The following CACNA1S variants were observed in gnomAD, a reference collection of about 807,000 sequenced individuals.
The protein encoded by CACNA1S is voltage-dependent L-type calcium channel subunit alpha-1S.
CACNA1S carries 126 observed loss-of-function variants against 207.4 expected under a neutral mutation model. The observed-to-expected ratio is 0.61, with a 90% CI of 0.53 to 0.70. The LOEUF is 0.70. Ranked by LOEUF, CACNA1S falls within the 30% of genes least tolerant of loss-of-function variation. CACNA1S has a pLI of 0.00. For synonymous variants in CACNA1S, 960 were observed against 932.7 expected (o/e 1.03, Z -0.53); for missense variants, 2,349 against 2,422.8 (o/e 0.97, Z 0.64).
At chr1:201,062,669 C>T (rs1295333454) in intron 22 of CACNA1S, among the ~76,000 whole-genome samples, 155 bp from the exon 23 acceptor site, 2 of 152,246 alleles carry the variant, frequency 1.3e-5, no homozygotes, top group Admixed American at 6.5e-5. Flanking sequence ...GAGGCGTGAA[C>T]TCGCCCTTGG....
chr1:201,085,055 A>C (rs1661981882), intron 8 of CACNA1S, 24 bp from the exon 9 acceptor site: 1 of 1,591,554 alleles, frequency 6.3e-7, no homozygotes, highest in East Asian at 2.2e-5. Context: ...AGAAAGAGTC[A>C]GCCAGCCTTC....
At chr1:201,103,989 G>GGCCCT (rs71872289) in intron 2 of CACNA1S, among the ~76,000 whole-genome samples, 7 of 151,996 alleles carry the variant, frequency 4.6e-5, no homozygotes, top group South Asian at 2.1e-4. Flanking sequence ...GAGCTTGCCA[G>GGCCCT]GCCCTGCCCT....
At chr1:201,064,926 C>T (rs144499533) in intron 22 of CACNA1S, among the ~76,000 whole-genome samples, 50 of 152,338 alleles carry the variant, frequency 3.3e-4, no homozygotes, top group Admixed American at 7.2e-4. Flanking sequence ...GATGGGCTGC[C>T]GCAGCCCAGC....
rs1477834243 is a variant in CACNA1S, at chr1:201,091,725, G to C, written c.609C>G (p.Val203=). The C allele has an allele frequency of 5.0e-6, 8 of 1,613,966 alleles. No homozygotes were observed. Among genetic ancestry groups the C allele is most frequent in the Non-Finnish European group, 6.8e-6 (8 of 1,179,924 alleles). ...TGGCATAGATGATGACCATAAAGAG[G>C]ACCAGCAGGGCGATGTGAAAGAGGG... ...MLPLFHIALL[V]LFMVIIYAII... is the part of the protein sequence containing the mutation. The change falls in exon 5 of 44, where the codon GTC becomes GTG. Residue 203 remains valine (V), a synonymous_variant. Transcript: ENST00000362061.
At chr1:201,041,429 C>CTA in intron 41 of CACNA1S, 75 bp downstream of exon 41, 1 of 1,174,218 alleles carries the variant, frequency 8.5e-7, no homozygotes, top group East Asian at 2.5e-5. Flanking sequence ...TTCCCAGACT[C>CTA]TAAGAAAAGA....
chr1:201,070,494 G>T, intron 16 of CACNA1S, 90 bp from the exon 17 acceptor site: 1 of 1,573,618 alleles, frequency 6.4e-7, no homozygotes. Context: ...AGGAGCCCCT[G>T]CAGCCAGTAA....
chr1:201,040,593 GT>G (rs769511645), intron 42 of CACNA1S, 28 bp downstream of exon 42: 2 of 1,595,726 alleles, frequency 1.3e-6, no homozygotes, highest in South Asian at 1.1e-5. Flanking sequence ...TCTGTATGGA[GT>G]TTGCTCCCAG....
At position 201,112,344 on chromosome 1, in the gene CACNA1S, T is replaced by C. The variant is rs763205672; in HGVS notation, c.-5A>G. The C allele has an allele frequency of 1.9e-6, 3 of 1,611,470 alleles. No individual in the cohort carries two copies. The highest frequency in any genetic ancestry group is 2.5e-6 in the Non-Finnish European group (3 of 1,178,484). ...CTGGGGTGAGGATGGCTCCATGGCT[T>C]CCCTGGGAATCTGGCTTTCTCCTGC... On this transcript the variant is annotated 5_prime_UTR_variant, in exon 1 of 44. Coordinates refer to ENST00000362061, the MANE Select transcript of CACNA1S (RefSeq NM_000069.3).
At chr1:201,077,853 G>T in intron 11 of CACNA1S, 26 bp downstream of exon 11, 1 of 1,564,948 alleles carries the variant, frequency 6.4e-7, no homozygotes, top group Non-Finnish European at 8.8e-7. Context: ...GGGGACCCGG[G>T]AGTGCCAGCC....
chr1:201,040,034 T>A lies in CACNA1S; in HGVS notation c.5419A>T (p.Ile1807Phe), dbSNP rs746454478. The A allele has an allele frequency of 6.2e-7, 1 of 1,614,242 alleles. No individual in the cohort carries two copies. The highest frequency in any genetic ancestry group is 8.5e-7 in the Non-Finnish European group (1 of 1,180,028). The change falls in exon 44 of 44, where the codon ATC becomes TTC. Residue 1807 changes from isoleucine to phenylalanine, a missense_variant. By Grantham distance (21) the Ile-to-Phe change is conservative. Coordinates refer to ENST00000362061, the MANE Select transcript of CACNA1S (RefSeq NM_000069.3). ...GCCAGGGCCTGGCCTGTTGCCATGATGAAGTTTGCATCAGCTGCCAAGGTG... is the reference window on the plus strand; with the variant it reads ...GCCAGGGCCTGGCCTGTTGCCATGAAGAAGTTTGCATCAGCTGCCAAGGTG... ...LGTLAADANF[I>F]MATGQALADA... is the part of the protein sequence containing the mutation.
Position 201,052,629 on chromosome 1 carries a change from A to C in CACNA1S, c.3881T>G (p.Leu1294Trp). 6.2e-7 allele frequency: 1 copy of C among 1,613,778 alleles called. No homozygotes were observed. The highest frequency in any genetic ancestry group is 8.5e-7 in the Non-Finnish European group (1 of 1,179,886). ...IGMQMFGKIA[L>W]VDGTQINRNN... is the part of the protein sequence containing the mutation. ...CCGGTTTATTTGGGTCCCATCCACC[A>C]AGGCGATCTTCCCAAACATCTGCAA... Residue 1294 changes from leucine to tryptophan, a missense_variant, in exon 32 of 44, where the codon TTG becomes TGG. Leu to Trp is a moderately conservative substitution (Grantham distance 61, BLOSUM62 -2). Transcript: ENST00000362061.
chr1:201,094,743 G>A (rs566936980), intron 2 of CACNA1S, among the ~76,000 whole-genome samples: 1 of 152,274 alleles, frequency 6.6e-6, no homozygotes, highest in East Asian at 1.9e-4. Context: ...TACGCAGGGT[G>A]AGTGGAGTGT....
chr1:201,080,269 A>G (rs532812238), intron 10 of CACNA1S, among the ~76,000 whole-genome samples: 1 of 152,264 alleles, frequency 6.6e-6, no homozygotes, highest in South Asian at 2.1e-4. Flanking sequence ...AAGCTCAGGG[A>G]TACTGCTCAT....
intron 10 of CACNA1S, among the ~76,000 whole-genome samples, chr1:201,078,517 CAAAAAAAAAA>C (rs10581578): frequency 6.6e-5 from 8 of 121,726 alleles, no homozygotes; most frequent in Admixed American, 5.2e-4. Flanking sequence ...AAATTAGCTT[CAAAAAAAAAA>C]AAAAAAAAAA....
At chr1:201,087,243 G>C (rs1558077911) in intron 7 of CACNA1S, among the ~76,000 whole-genome samples, 2 of 152,336 alleles carry the variant, frequency 1.3e-5, no homozygotes, top group East Asian at 3.9e-4. Flanking sequence ...AACCCTATGA[G>C]ATAGATACTG....
chr1:201,068,234 T>C (rs1029087032), intron 19 of CACNA1S, among the ~76,000 whole-genome samples: 2 of 76,794 alleles, frequency 2.6e-5, no homozygotes, highest in African/African-American at 2.1e-4. Flanking sequence ...CTCTGCTCTT[T>C]TTTTTTTTTT....
At chr1:201,105,332 A>G (rs1277719827) in intron 2 of CACNA1S, among the ~76,000 whole-genome samples, 4 of 152,164 alleles carry the variant, frequency 2.6e-5, no homozygotes, top group East Asian at 1.9e-4. Flanking sequence ...CCTTCTGTTG[A>G]TAGATAAAGC....
Position 201,073,626 on chromosome 1 carries a change from A to G in CACNA1S, c.2080T>C (p.Ser694Pro). Reference protein sequence around the residue: ...RKMSKGLPDKSEEEKSTMAKK... With the variant: ...RKMSKGLPDKPEEEKSTMAKK... Reference sequence around the variant, plus strand: ...GCCATCGTTGACTTCTCCTCTTCTGACTTGTCTGGGAGACCCCTGAGTTAG... The same window carrying G: ...GCCATCGTTGACTTCTCCTCTTCTGGCTTGTCTGGGAGACCCCTGAGTTAG... Residue 694 changes from serine (S) to proline (P), a missense_variant, in exon 15 of 44, where the codon TCA (serine) becomes CCA (proline). Ser to Pro is a moderately conservative substitution (Grantham distance 74, BLOSUM62 -1). Transcript: ENST00000362061. 6.2e-7 allele frequency: 1 copy of G among 1,614,064 alleles called. No individual in the cohort carries two copies.
At chr1:201,043,686 A>G (rs1203070712) in intron 39 of CACNA1S, among the ~76,000 whole-genome samples, 155 bp from the exon 40 acceptor site, 3 of 152,130 alleles carry the variant, frequency 2.0e-5, no homozygotes, top group Admixed American at 2.0e-4. Context: ...AGATCAAAAG[A>G]AGAAAATTCC....
Sources: allele counts gnomAD v4.1 joint callset (sites outside exome capture counted in the v4.1 genomes callset), GRCh38; gene constraint gnomAD v4.1.1; transcripts MANE v1.5; gene names NCBI Gene and HGNC (gene_info 2026-07-23, HGNC 2026-07-21).